The following MTUS2 variants were observed in gnomAD, a reference collection of about 807,000 sequenced individuals.
MTUS2 encodes the protein microtubule associated scaffold protein 2, also known as microtubule-associated tumor suppressor candidate 2.
A neutral mutation model predicts 114.1 loss-of-function variants in MTUS2; 40 were observed. That is an observed-to-expected ratio of 0.35 (90% CI 0.27 to 0.46). The LOEUF (loss-of-function observed/expected upper bound fraction) is 0.46. Among genes scored for constraint, MTUS2 ranks in the 20% least tolerant of loss-of-function variants. The probability of loss-of-function intolerance (pLI) is 1.00; values close to 1 mark genes in which losing one functional copy is unlikely to be tolerated. For missense variants in MTUS2, 1,679 were observed against 1,705.4 expected, an observed-to-expected ratio of 0.98 and a Z score of 0.27; for synonymous variants, 688 against 672.0, an observed-to-expected ratio of 1.02 and a Z score of -0.37.
chr13:29,374,457 A>G (rs1871425717), intron 8 of MTUS2, among the ~76,000 whole-genome samples: 2 of 152,250 alleles, frequency 1.3e-5, no homozygotes, highest in South Asian at 4.1e-4. Flanking sequence ...GAAAAATTAC[A>G]CATTACCTAT....
rs994033904 is a variant in MTUS2 at position 28,899,156 on chromosome 13, C to T, written c.-243+59306C>T. On this transcript the variant is annotated intron_variant, in intron 2 of 15. Coordinates refer to ENST00000612955, the MANE Select transcript of MTUS2 (RefSeq NM_001033602.4). ...GTTGCAAGAAATAATAGAGATCTCA[C>T]GTACCGTTTTCCTCAATAATAATAT... is the stretch of plus-strand genomic sequence containing the variant. 2.3e-4 allele frequency among the ~76,000 whole-genome samples: 35 copies of T among 152,158 alleles called. 1 individual carries two copies. The highest frequency in any genetic ancestry group is 2.8e-4 in the Non-Finnish European group (19 of 68,042).
intron 5 of MTUS2, among the ~76,000 whole-genome samples, chr13:29,153,233 G>A (rs148023374): frequency 3.3e-4 from 51 of 152,260 alleles, no homozygotes; most frequent in African/African-American, 1.1e-3. Context: ...AGACAAGACA[G>A]TGCAGGTCCT....
intron 4 of MTUS2, among the ~76,000 whole-genome samples, chr13:29,083,796 T>C (rs1186209917): frequency 6.6e-6 from 1 of 152,210 alleles, no homozygotes; most frequent in Non-Finnish European, 1.5e-5. Flanking sequence ...TGGGGTCTCA[T>C]TTTGCCAAGC....
chr13:29,133,889 A>G (rs1891865619), intron 5 of MTUS2, among the ~76,000 whole-genome samples: 1 of 151,946 alleles, frequency 6.6e-6, no homozygotes, highest in South Asian at 2.1e-4. Context: ...TCCTTCCTGT[A>G]CTCTGCTCTA....
intron 1 of MTUS2, among the ~76,000 whole-genome samples, chr13:28,832,618 A>G (rs1005082398): frequency 6.7e-6 from 1 of 149,420 alleles, no homozygotes; most frequent in African/African-American, 2.4e-5. Flanking sequence ...CTAAATAAGT[A>G]TGCTAAATAT....
intron 5 of MTUS2, among the ~76,000 whole-genome samples, chr13:29,219,026 G>A (rs1895797249): frequency 6.7e-6 from 1 of 149,630 alleles, no homozygotes; most frequent in African/African-American, 2.5e-5. Flanking sequence ...CATTGTGCAG[G>A]TTAGTTACAT....
At position 29,096,817 on chromosome 13, in the gene MTUS2, T is replaced by C. The variant is rs193176239; in HGVS notation, c.2447-3956T>C. Among the ~76,000 whole-genome samples, 581 of 152,300 alleles carry C rather than the reference T, an allele frequency of 3.8e-3. 3 individuals carry two copies. The highest frequency in any genetic ancestry group is 5.5e-3 in the Non-Finnish European group (376 of 68,020). ...TAAGCGAGGTGCGAGGTAGGGACAGTAGCTTCTAGTCTTCTCCCTTTTTCT... is the reference window on the plus strand; with the variant it reads ...TAAGCGAGGTGCGAGGTAGGGACAGCAGCTTCTAGTCTTCTCCCTTTTTCT... On this transcript the variant is annotated intron_variant, in intron 4 of 15. Coordinates refer to ENST00000612955, the MANE Select transcript of MTUS2 (RefSeq NM_001033602.4).
At chr13:29,498,345 A>G (rs1433236697) in intron 13 of MTUS2, 73 bp from the exon 14 acceptor site, 1 of 1,592,330 alleles carries the variant, frequency 6.3e-7, no homozygotes, top group African/African-American at 1.3e-5. Context: ...ATTTAGCTGG[A>G]TTCGTGACAT....
intron 5 of MTUS2, among the ~76,000 whole-genome samples, chr13:29,265,282 C>T (rs1897626860): frequency 6.6e-6 from 1 of 152,220 alleles, no homozygotes; most frequent in Non-Finnish European, 1.5e-5. Context: ...ATACATTCCT[C>T]ATTTCCATCT....
intron 9 of MTUS2, among the ~76,000 whole-genome samples, chr13:29,465,362 G>A (rs1317586618): frequency 6.6e-6 from 1 of 152,194 alleles, no homozygotes; most frequent in Non-Finnish European, 1.5e-5. Context: ...AGCATCAGCT[G>A]GTAAGCAGTG....
chr13:29,129,722 T>C (rs890925350), intron 5 of MTUS2, among the ~76,000 whole-genome samples: 1 of 152,190 alleles, frequency 6.6e-6, no homozygotes, highest in African/African-American at 2.4e-5. Context: ...AAATGAGTCA[T>C]GGCTGGTGAG....
At chr13:29,267,685 A>C (rs545179349) in intron 5 of MTUS2, among the ~76,000 whole-genome samples, 4 of 152,332 alleles carry the variant, frequency 2.6e-5, no homozygotes, top group African/African-American at 9.6e-5. Context: ...TGGGAATCAC[A>C]TGGGTTCATG....
intron 5 of MTUS2, among the ~76,000 whole-genome samples, chr13:29,132,116 T>C (rs1166545934): frequency 6.6e-6 from 1 of 152,226 alleles, no homozygotes; most frequent in Admixed American, 6.5e-5. Context: ...GTACGTTTCA[T>C]ATACTTGTGT....
intron 5 of MTUS2, among the ~76,000 whole-genome samples, chr13:29,156,949 A>T (rs541535291): frequency 1.6e-4 from 25 of 152,278 alleles, no homozygotes; most frequent in African/African-American, 6.0e-4. Context: ...ATCTGTGAAT[A>T]ATATATAGTA....
intron 2 of MTUS2, among the ~76,000 whole-genome samples, chr13:28,916,256 C>T (rs930429261): frequency 2.0e-5 from 3 of 151,836 alleles, no homozygotes; most frequent in Non-Finnish European, 4.4e-5. Flanking sequence ...ATTCTTTTTG[C>T]TCAGGATAGC....
intron 2 of MTUS2, among the ~76,000 whole-genome samples, chr13:28,915,243 G>A (rs559146106): frequency 6.6e-5 from 10 of 152,024 alleles, no homozygotes; most frequent in African/African-American, 2.4e-4. Context: ...TTTGAGCAGT[G>A]CTGCAAGAAA....
chr13:29,291,091 C>T (rs539127576), intron 6 of MTUS2, among the ~76,000 whole-genome samples: 1 of 152,148 alleles, frequency 6.6e-6, no homozygotes, highest in Non-Finnish European at 1.5e-5. Flanking sequence ...CAGCAGGTAC[C>T]CGAGAACCCA....
At chr13:29,284,420 G>A (rs1038608673) in intron 6 of MTUS2, among the ~76,000 whole-genome samples, 1 of 151,494 alleles carries the variant, frequency 6.6e-6, no homozygotes, top group African/African-American at 2.4e-5. Flanking sequence ...AAAAATGATG[G>A]CCTTCAGGGT....
intron 2 of MTUS2, among the ~76,000 whole-genome samples, chr13:28,929,969 G>A (rs1421075709): frequency 2.6e-5 from 4 of 152,186 alleles, no homozygotes; most frequent in Non-Finnish European, 5.9e-5. Context: ...AGGCTGCAAG[G>A]AGGGAAAGGG....
Sources: allele counts gnomAD v4.1 joint callset (sites outside exome capture counted in the v4.1 genomes callset), GRCh38; gene constraint gnomAD v4.1.1; transcripts MANE v1.5; gene names NCBI Gene and HGNC (gene_info 2026-07-23, HGNC 2026-07-21).